Variants in SULT2A1 observed in about 807,000 individuals in gnomAD.
SULT2A1 encodes the protein sulfotransferase family 2A member 1.
In SULT2A1, 43 loss-of-function variants were observed where a neutral mutation model predicts 33.9. That is an observed-to-expected ratio of 1.27 (90% CI 1.00 to 1.64). SULT2A1 has a LOEUF of 1.64. Among genes scored for constraint, SULT2A1 ranks in the 40% most tolerant of loss-of-function variants. The probability of loss-of-function intolerance (pLI) is 0.00; values close to 1 mark genes in which losing one functional copy is unlikely to be tolerated. For synonymous variants in SULT2A1, 125 were observed against 113.6 expected (o/e 1.10, Z -0.64); for missense variants, 300 against 335.1 (o/e 0.90, Z 0.82).
At chr19:47,875,095 G>A (rs929783489) in intron 4 of SULT2A1, among the ~76,000 whole-genome samples, 7 of 148,496 alleles carry the variant, frequency 4.7e-5, no homozygotes, top group African/African-American at 1.7e-4. Flanking sequence ...CCAGGAGGTG[G>A]AGGGTGCAGT....
chr19:47,871,556 C>A lies in SULT2A1; in HGVS notation c.757G>T (p.Asp253Tyr). The change falls in exon 6 of 6, where the codon GAC (aspartate) becomes TAC (tyrosine). Residue 253 changes from aspartate to tyrosine, a missense_variant. Physicochemically the swap from Asp to Tyr is radical, Grantham distance 160. Transcript: ENST00000222002. ...AQLLRKGVSG[D>Y]WKNHFTVAQA... is the part of the protein sequence containing the mutation. ...GCCACTGTGAAGTGATTTTTCCAGTCCCCAGATACACCTGGAAACAAGAAG... is the reference window on the plus strand; with the variant it reads ...GCCACTGTGAAGTGATTTTTCCAGTACCCAGATACACCTGGAAACAAGAAG... 1 of 1,612,886 alleles carries A rather than the reference C, an allele frequency of 6.2e-7. No individual in the cohort carries two copies.
rs750526898 is a variant in SULT2A1, at chr19:47,871,504, A to G, written c.809T>C (p.Phe270Ser). ...VAQAEDFDKLFQEKMADLPRE... is the reference protein window; with the variant it reads ...VAQAEDFDKLSQEKMADLPRE... ...AGGAAGATCTGCCATCTTCTCTTGG[A>G]ACAATTTATCAAAGTCTTCAGCTTG... The change falls in exon 6 of 6, where the codon TTC becomes TCC. Residue 270 changes from phenylalanine to serine, a missense_variant. Phe to Ser is a radical substitution (Grantham distance 155, BLOSUM62 -2). Transcript: ENST00000222002. 1 of 1,614,064 alleles carries G rather than the reference A, an allele frequency of 6.2e-7. No individual in the cohort carries two copies. The highest frequency in any genetic ancestry group is 8.5e-7 in the Non-Finnish European group (1 of 1,180,034).
chr19:47,883,465 AAC>A, intron 2 of SULT2A1, 110 bp downstream of exon 2: 1 of 1,093,020 alleles, frequency 9.1e-7, no homozygotes, highest in South Asian at 1.5e-5. Flanking sequence ...AGGTCTCAAC[AAC>A]ACAGACCTGT....
chr19:47,880,247 A>AAAC (rs1027188190), intron 3 of SULT2A1, among the ~76,000 whole-genome samples: 3 of 150,716 alleles, frequency 2.0e-5, no homozygotes, highest in East Asian at 3.9e-4. Context: ...AAAAAAAAAA[A>AAAC]AAAAAAAAAA....
At chr19:47,884,121 A>G (rs1023504360) in intron 1 of SULT2A1, among the ~76,000 whole-genome samples, 24 of 150,118 alleles carry the variant, frequency 1.6e-4, no homozygotes, top group Non-Finnish European at 3.1e-4. Flanking sequence ...AAAAACAAAA[A>G]CAAAAACAAA....
chr19:47,878,075 G>T (rs148601328), intron 4 of SULT2A1, among the ~76,000 whole-genome samples: 2 of 150,914 alleles, frequency 1.3e-5, no homozygotes, highest in East Asian at 3.9e-4. Context: ...CCCTCTCAAC[G>T]CTTGGTTATC....
intron 1 of SULT2A1, among the ~76,000 whole-genome samples, chr19:47,884,152 TAA>T (rs1968631068): frequency 7.1e-6 from 1 of 140,862 alleles, no homozygotes; most frequent in South Asian, 2.3e-4. Flanking sequence ...ATCTCAACCT[TAA>T]TTTTTTTATT....
In SULT2A1 at chr19:47,879,079, T is replaced by G. The variant is rs748025835; in HGVS notation, c.524A>C (p.Glu175Ala). 6.2e-6 allele frequency: 10 copies of G among 1,613,792 alleles called. No individual in the cohort carries two copies. In the Admixed American group the frequency reaches 1.7e-4, roughly 27 times the overall value. Reference sequence around the variant, plus strand: ...ACTCAGTAACAGGAAGTTTTTCTCCTCTCTCATGGGCATCCAGCCATGAAT... The same window carrying G: ...ACTCAGTAACAGGAAGTTTTTCTCCGCTCTCATGGGCATCCAGCCATGAAT... ...DHIHGWMPMR[E>A]EKNFLLLSYE... is the part of the protein sequence containing the mutation. Residue 175 changes from glutamate to alanine, a missense_variant, in exon 4 of 6, where the codon GAG (glutamate) becomes GCG (alanine). Transcript: ENST00000222002.
intron 3 of SULT2A1, among the ~76,000 whole-genome samples, chr19:47,880,253 A>AAAC (rs1555804754): frequency 6.6e-6 from 1 of 150,704 alleles, no homozygotes; most frequent in Non-Finnish European, 1.5e-5. Context: ...AAAAAAAAAA[A>AAAC]AAAAACCTGA....
Position 47,874,684 on chromosome 19 carries a change from C to G in SULT2A1, c.718G>C (p.Val240Leu). Residue 240 changes from valine to leucine, a missense_variant, in exon 5 of 6, where the codon GTG becomes CTG. Coordinates refer to ENST00000222002, the MANE Select transcript of SULT2A1 (RefSeq NM_003167.4). ...NYSLLSVDYV[V>L]DKAQLLRKGV... ...TTTCTCAGAAGTTGTGCTTTGTCCA[C>G]TACATAATCAACACTCAGGAGGGAA... The G allele has an allele frequency of 1.9e-6, 3 of 1,613,928 alleles. No individual in the cohort carries two copies. Among genetic ancestry groups the G allele is most frequent in the South Asian group, 1.1e-5 (1 of 91,050 alleles).
At position 47,870,508 on chromosome 19, in the gene SULT2A1, G is replaced by A. The variant is rs1390785948; in HGVS notation, c.*947C>T. The A allele has an allele frequency of 2.0e-5, 3 of 147,816 alleles. No homozygotes were observed. The highest frequency in any genetic ancestry group is 1.5e-5 in the Non-Finnish European group (1 of 65,646). 9.2% of individuals were successfully genotyped at this position (147,816 alleles called of 1,614,324 possible). On this transcript the variant is annotated 3_prime_UTR_variant, in exon 6 of 6. Transcript: ENST00000222002. Reference sequence around the variant, plus strand: ...ATTGTATATGGTTTAACAACACAGAGTAAGAGGATAAAATTAGATTGCAAA... The same window carrying A: ...ATTGTATATGGTTTAACAACACAGAATAAGAGGATAAAATTAGATTGCAAA...
At position 47,879,017 on chromosome 19, in the gene SULT2A1, CT is replaced by C. The variant is rs1968576101; in HGVS notation, c.567+18del. On this transcript the variant is annotated intron_variant, in intron 4 of 5. Transcript: ENST00000222002. ...GGTGGTGAGAGGGTGTGCACTGACT[CT>C]AAAAATGATGGGATTACCTGTTTCA... 6.5e-7 allele frequency: 1 copy of C among 1,537,808 alleles called. No individual in the cohort carries two copies. Among genetic ancestry groups the C allele is most frequent in the Non-Finnish European group, 9.0e-7 (1 of 1,110,768 alleles).
chr19:47,874,921 G>A lies in SULT2A1; in HGVS notation c.568-87C>T, dbSNP rs534798153. The A allele has an allele frequency of 1.7e-5, 21 of 1,214,616 alleles. No individual in the cohort carries two copies. In the East Asian group the frequency reaches 4.5e-4, roughly 26 times the overall value. 75.2% of individuals were successfully genotyped at this position (1,214,616 alleles called of 1,614,324 possible). On this transcript the variant is annotated intron_variant, in intron 4 of 5. Coordinates refer to ENST00000222002, the MANE Select transcript of SULT2A1 (RefSeq NM_003167.4). Reference sequence around the variant, plus strand: ...TCACGCCTGTAATCCCAGCACTCTGGGAGGCTGAGGCGGTTGGATCACTTG... The same window carrying A: ...TCACGCCTGTAATCCCAGCACTCTGAGAGGCTGAGGCGGTTGGATCACTTG...
chr19:47,874,560 A>AAAG (rs373194922), intron 5 of SULT2A1, 97 bp downstream of exon 5: 3 of 882,188 alleles, frequency 3.4e-6, no homozygotes, highest in Non-Finnish European at 3.3e-6. Context: ...AAAAAAAAAA[A>AAAG]GCACTCTTTC....
chr19:47,882,002 G>T, intron 3 of SULT2A1, 82 bp downstream of exon 3: 1 of 1,566,112 alleles, frequency 6.4e-7, no homozygotes, highest in Non-Finnish European at 8.7e-7. Context: ...ATGGGTTGGT[G>T]AGATGTAGAG....
chr19:47,882,516 G>A (rs531006989), intron 2 of SULT2A1, among the ~76,000 whole-genome samples: 3 of 152,198 alleles, frequency 2.0e-5, no homozygotes, highest in African/African-American at 7.2e-5. Context: ...GTGTACTATG[G>A]TTTAAAGATC....
chr19:47,874,001 A>C (rs762845143), intron 5 of SULT2A1, among the ~76,000 whole-genome samples: 11 of 152,016 alleles, frequency 7.2e-5, no homozygotes, highest in Non-Finnish European at 1.3e-4. Flanking sequence ...CCTTGTCCTC[A>C]TTTCTCAGGT....
chr19:47,870,832 G>A lies in SULT2A1; in HGVS notation c.*623C>T, dbSNP rs997715477. 6.8e-6 allele frequency: 1 copy of A among 147,252 alleles called. No homozygotes were observed. The highest frequency in any genetic ancestry group is 2.2e-4 in the South Asian group (1 of 4,466). The allele number at this position is 147,252 out of a possible 1,614,324, so 9.1% of individuals were successfully genotyped here. ...TTGCATCCCTGGGCTTTGAACCCTG[G>A]TTCTCTGAACCCTAGTCACTTCTTT... On this transcript the variant is annotated 3_prime_UTR_variant, in exon 6 of 6. Transcript: ENST00000222002.
Position 47,879,060 on chromosome 19 carries a change from T to G in SULT2A1, c.543A>C (p.Leu181Phe). Residue 181 changes from leucine (L) to phenylalanine (F), a missense_variant, in exon 4 of 6, where the codon TTA becomes TTC. Coordinates refer to ENST00000222002, the MANE Select transcript of SULT2A1 (RefSeq NM_003167.4). ...MPMREEKNFL[L>F]LSYEELKQDT... ...CCTGTTTCAGCTCCTCATAACTCAG[T>G]AACAGGAAGTTTTTCTCCTCTCTCA... The G allele has an allele frequency of 6.2e-7, 1 of 1,613,120 alleles. No individual in the cohort carries two copies. The highest frequency in any genetic ancestry group is 1.1e-5 in the South Asian group (1 of 91,046).
Sources: gnomAD v4.1 joint callset for allele counts (sites outside exome capture counted in the v4.1 genomes callset) on GRCh38, gnomAD v4.1.1 for gene constraint, MANE v1.5 for transcripts, NCBI Gene and HGNC (gene_info 2026-07-23, HGNC 2026-07-21) for gene names.